HDAC4: variants seen among roughly 807,000 people sequenced by gnomAD.
HDAC4 encodes the protein histone deacetylase A.
Under a neutral mutation model 135.1 loss-of-function variants are expected in HDAC4, and 16 were observed. The ratio of observed to expected loss-of-function variants is 0.12; its 90% CI spans 0.08 to 0.18. The LOEUF is 0.18. Among genes scored for constraint, HDAC4 ranks in the 10% least tolerant of loss-of-function variants. The pLI is 1.00. For missense variants in HDAC4, 1,143 were observed against 1,511.8 expected, an observed-to-expected ratio of 0.76 and a Z score of 4.05; for synonymous variants, 685 against 653.4, an observed-to-expected ratio of 1.05 and a Z score of -0.74.
At position 239,111,531 on chromosome 2, in the gene HDAC4, G is replaced by A. The variant is rs763908920; in HGVS notation, c.1973C>T (p.Thr658Met). 1.9e-6 allele frequency: 3 copies of A among 1,612,074 alleles called. No individual in the cohort carries two copies. Among genetic ancestry groups the A allele is most frequent in the Non-Finnish European group, 2.5e-6 (3 of 1,179,672 alleles). Residue 658 changes from threonine to methionine, a missense_variant, in exon 14 of 27, where the codon ACG (threonine) becomes ATG (methionine). Transcript: ENST00000543185. The part of the protein sequence containing the change: ...VQEPPTKPRF[T>M]TGLVYDTLML... Reference sequence around the variant, plus strand: ...GCACAAAGGCCACGTGTTACCTGTCGTGAACCTCGGCTTGGTGGGGGGCTC... The same window carrying A: ...GCACAAAGGCCACGTGTTACCTGTCATGAACCTCGGCTTGGTGGGGGGCTC...
At chr2:239,195,489 A>C (rs1339561712) in intron 3 of HDAC4, among the ~76,000 whole-genome samples, 1 of 152,208 alleles carries the variant, frequency 6.6e-6, no homozygotes, top group Admixed American at 6.5e-5. Context: ...CCGGCCCCAC[A>C]CACCAGCTGC....
chr2:239,059,991 C>T (rs74000636), intron 24 of HDAC4, among the ~76,000 whole-genome samples: 1,704 of 152,316 alleles, frequency 0.011, 21 homozygotes, highest in African/African-American at 0.038. Context: ...CGAGAGTGAC[C>T]GTGGACTGTG....
chr2:239,162,393 C>G (rs1246487039), intron 6 of HDAC4: 1 of 453,926 alleles, frequency 2.2e-6, no homozygotes, highest in Non-Finnish European at 4.4e-6. Flanking sequence ...GGGGCACCAT[C>G]TGAACCACGA....
rs2036629665 is a variant in HDAC4 at position 239,092,719 on chromosome 2, A to T, written c.2280+2291T>A. Among the ~76,000 whole-genome samples, 4 of 152,130 alleles carry T rather than the reference A, an allele frequency of 2.6e-5. No individual in the cohort carries two copies. The South Asian group carries it at 8.3e-4, about 32-fold the overall frequency. On this transcript the variant is annotated intron_variant, in intron 17 of 26. Transcript: ENST00000543185. ...CTCCAGCTCCCAGGGACCAGCCTGG[A>T]GCTCCAGGCCTCTTGCAGGGAGCCT...
intron 14 of HDAC4, among the ~76,000 whole-genome samples, chr2:239,111,025 C>A (rs1318327479): frequency 6.6e-6 from 1 of 152,256 alleles, no homozygotes; most frequent in African/African-American, 2.4e-5. Flanking sequence ...AGGGATGGCA[C>A]AGACAGAGGA....
At chr2:239,143,968 T>C (rs991252480) in intron 8 of HDAC4, among the ~76,000 whole-genome samples, 1 of 152,108 alleles carries the variant, frequency 6.6e-6, no homozygotes, top group Non-Finnish European at 1.5e-5. Flanking sequence ...TGGTTGGGAA[T>C]GGGTGGTCCT....
chr2:239,196,154 G>C (rs961621006), intron 3 of HDAC4, among the ~76,000 whole-genome samples: 1 of 151,612 alleles, frequency 6.6e-6, no homozygotes, highest in African/African-American at 2.4e-5. Flanking sequence ...CTATGTGGGG[G>C]TGGGGGGAAG....
At chr2:239,345,777 A>C (rs1692591912) in intron 2 of HDAC4, among the ~76,000 whole-genome samples, 1 of 144,326 alleles carries the variant, frequency 6.9e-6, no homozygotes, top group African/African-American at 2.6e-5. Flanking sequence ...ACACACATGC[A>C]CTCAAACACA....
chr2:239,114,634 C>T (rs2038966444), intron 13 of HDAC4, among the ~76,000 whole-genome samples: 1 of 152,210 alleles, frequency 6.6e-6, no homozygotes, highest in Non-Finnish European at 1.5e-5. Flanking sequence ...TCATTAGCAC[C>T]TCTGGGTCAC....
intron 16 of HDAC4, among the ~76,000 whole-genome samples, chr2:239,099,888 C>T (rs1221455181): frequency 6.6e-6 from 1 of 152,256 alleles, no homozygotes; most frequent in African/African-American, 2.4e-5. Flanking sequence ...GACAGCGTGT[C>T]CTCCGGTGGC....
At chr2:239,401,525 G>T (rs1205701575), upstream of HDAC4, 4 of 184,888 alleles carry the variant, frequency 2.2e-5, no homozygotes, top group Non-Finnish European at 4.5e-5. Flanking sequence ...TAGCCCGCAT[G>T]GCTGCCTAGC....
At chr2:239,181,455 G>T (rs2044145660) in intron 4 of HDAC4, among the ~76,000 whole-genome samples, 1 of 152,264 alleles carries the variant, frequency 6.6e-6, no homozygotes, top group African/African-American at 2.4e-5. Context: ...TGCGCAGGAG[G>T]GGCAGGGAGG....
At chr2:239,257,182 CAA>C (rs1356404795) in intron 2 of HDAC4, among the ~76,000 whole-genome samples, 1 of 146,628 alleles carries the variant, frequency 6.8e-6, no homozygotes, top group Non-Finnish European at 1.5e-5. Context: ...TGTTTTTGAC[CAA>C]AAAAACTCTG....
At chr2:239,087,809 C>T (rs1445748738) in intron 18 of HDAC4, among the ~76,000 whole-genome samples, 195 bp from the exon 19 acceptor site, 1 of 152,160 alleles carries the variant, frequency 6.6e-6, no homozygotes, top group Non-Finnish European at 1.5e-5. Context: ...GGGCCCTTCT[C>T]CTAAAGAGGT....
chr2:239,364,762 T>C (rs1325116021), intron 1 of HDAC4, among the ~76,000 whole-genome samples: 1 of 152,280 alleles, frequency 6.6e-6, no homozygotes, highest in African/African-American at 2.4e-5. Context: ...GACTGGTCCA[T>C]GCAGCTTGCA....
At chr2:239,377,298 A>G (rs1695081286) in intron 1 of HDAC4, among the ~76,000 whole-genome samples, 6 of 152,138 alleles carry the variant, frequency 3.9e-5, no homozygotes, top group Admixed American at 3.9e-4. Context: ...CGCTGTCCAC[A>G]CAGGTGCTGG....
chr2:239,386,173 C>T (rs969378207), intron 1 of HDAC4, among the ~76,000 whole-genome samples: 5 of 151,996 alleles, frequency 3.3e-5, no homozygotes, highest in African/African-American at 1.2e-4. Context: ...GAGGCTGGGG[C>T]CTGTGTCTCG....
At chr2:239,355,311 T>C (rs892131857) in intron 1 of HDAC4, among the ~76,000 whole-genome samples, 1 of 152,250 alleles carries the variant, frequency 6.6e-6, no homozygotes, top group Non-Finnish European at 1.5e-5. Flanking sequence ...CCATCAGATC[T>C]GGCCTCTTTC....
intron 5 of HDAC4, among the ~76,000 whole-genome samples, chr2:239,174,645 A>G (rs1014453806): frequency 9.2e-5 from 14 of 152,220 alleles, no homozygotes; most frequent in African/African-American, 2.9e-4. Context: ...TCCACTTCAC[A>G]TTTGCCCACA....
Sources: allele counts gnomAD v4.1 joint callset (sites outside exome capture counted in the v4.1 genomes callset), GRCh38; gene constraint gnomAD v4.1.1; transcripts MANE v1.5; gene names NCBI Gene and HGNC (gene_info 2026-07-23, HGNC 2026-07-21).